The following CD80 variants were observed in gnomAD, a reference collection of about 807,000 sequenced individuals.
CD80 encodes CD80 molecule.
CD80 carries 13 observed loss-of-function variants against 27.1 expected under a neutral mutation model. The observed-to-expected ratio is 0.48, with a 90% CI of 0.31 to 0.76. The LOEUF (loss-of-function observed/expected upper bound fraction) is 0.76. Among genes scored for constraint, CD80 ranks in the 30% least tolerant of loss-of-function variants. CD80 has a pLI of 0.04. For missense variants in CD80, 277 were observed against 347.9 expected, an observed-to-expected ratio of 0.80 and a Z score of 1.62; for synonymous variants, 125 against 125.5, an observed-to-expected ratio of 1.00 and a Z score of 0.03.
In CD80 at chr3:119,525,391, A is replaced by G. The variant is rs2082058743; in HGVS notation, c.*397T>C. On this transcript the variant is annotated 3_prime_UTR_variant, in exon 7 of 7. Coordinates refer to ENST00000264246, the MANE Select transcript of CD80 (RefSeq NM_005191.4). ...CACTTTGCCTGACATATATATGTAT[A>G]TACCAGTTAACAGGCCACAGTCAAA... The G allele has an allele frequency of 6.6e-6, 1 of 152,228 alleles. No homozygotes were observed. Among genetic ancestry groups the G allele is most frequent in the East Asian group, 1.9e-4 (1 of 5,198 alleles). The allele number at this position is 152,228 out of a possible 1,614,324, so 9.4% of individuals were successfully genotyped here.
chr3:119,547,646 C>T (rs1235301573), intron 2 of CD80, among the ~76,000 whole-genome samples: 1 of 152,084 alleles, frequency 6.6e-6, no homozygotes, highest in African/African-American at 2.4e-5. Flanking sequence ...TTTGAGAGAG[C>T]GAAGTCACTA....
chr3:119,526,732 AG>A (rs2082069353), intron 6 of CD80, among the ~76,000 whole-genome samples: 1 of 152,194 alleles, frequency 6.6e-6, no homozygotes, highest in South Asian at 2.1e-4. Context: ...CTGTTGTATA[AG>A]CGTCAGGTAT....
At chr3:119,529,997 C>G in intron 4 of CD80, 60 bp from the exon 5 acceptor site, 1 of 1,225,458 alleles carries the variant, frequency 8.2e-7, no homozygotes, top group South Asian at 1.3e-5. Flanking sequence ...GATACTCATT[C>G]TGTGCCTTTT....
chr3:119,544,117 A>G (rs1577110728), intron 3 of CD80, among the ~76,000 whole-genome samples: 1 of 151,978 alleles, frequency 6.6e-6, no homozygotes, highest in Admixed American at 6.6e-5. Flanking sequence ...TGAACTCATG[A>G]CCTCAAGTGA....
At chr3:119,557,253 A>G (rs1255450467) in intron 2 of CD80, among the ~76,000 whole-genome samples, 1 of 152,232 alleles carries the variant, frequency 6.6e-6, no homozygotes, top group Non-Finnish European at 1.5e-5. Context: ...GCTGAGCTGT[A>G]TCATGAAAAC....
chr3:119,529,304 T>G (rs2082097024), intron 5 of CD80, among the ~76,000 whole-genome samples: 1 of 152,158 alleles, frequency 6.6e-6, no homozygotes, highest in East Asian at 1.9e-4. Flanking sequence ...TCAACTGTAT[T>G]AGTGCATCTT....
At chr3:119,558,910 G>A (rs146803495) in intron 1 of CD80, among the ~76,000 whole-genome samples, 4 of 152,084 alleles carry the variant, frequency 2.6e-5, no homozygotes, top group African/African-American at 4.8e-5. Context: ...ACACAGCCCC[G>A]TGCTGCTCAG....
chr3:119,555,994 C>T (rs6807532), intron 2 of CD80, among the ~76,000 whole-genome samples: 10,912 of 152,250 alleles, frequency 0.072, 437 homozygotes, highest in African/African-American at 0.095. Flanking sequence ...ACCCACTTTC[C>T]CAGATCTTGG....
chr3:119,539,075 A>G (rs2082154358), intron 3 of CD80, among the ~76,000 whole-genome samples: 1 of 152,190 alleles, frequency 6.6e-6, no homozygotes, highest in Non-Finnish European at 1.5e-5. Flanking sequence ...TGAGAAGAAA[A>G]ACTCTGAACC....
In CD80 at chr3:119,525,640, C is replaced by G. The variant is rs1403166158; in HGVS notation, c.*148G>C. 6.6e-6 allele frequency: 1 copy of G among 152,462 alleles called. No homozygotes were observed. The highest frequency in any genetic ancestry group is 1.5e-5 in the Non-Finnish European group (1 of 68,000). 9.4% of individuals were successfully genotyped at this position (152,462 alleles called of 1,614,324 possible). ...ATTCCTCTAGACACTTCCTGCAAAGCAACTGAAGTGAAGAAGCACCTAAGA... is the reference window on the plus strand; with the variant it reads ...ATTCCTCTAGACACTTCCTGCAAAGGAACTGAAGTGAAGAAGCACCTAAGA... On this transcript the variant is annotated 3_prime_UTR_variant, in exon 7 of 7. Coordinates refer to ENST00000264246, the MANE Select transcript of CD80 (RefSeq NM_005191.4).
At chr3:119,543,209 G>A (rs79146731) in intron 3 of CD80, among the ~76,000 whole-genome samples, 8,150 of 152,270 alleles carry the variant, frequency 0.054, 697 homozygotes, top group African/African-American at 0.18. Context: ...CAATTCCCCT[G>A]TCTTGATGAA....
Position 119,557,686 on chromosome 3 carries a change from G to A in CD80, c.43C>T (p.Pro15Ser). ...AAGAGCTGAAAGAAATTGAGGTATG[G>A]ACACTTGGATGGTGATGTTCCCTGC... ...RRQGTSPSKCPYLNFFQLLVL... is the reference protein window; with the variant it reads ...RRQGTSPSKCSYLNFFQLLVL... The change falls in exon 2 of 7, where the codon CCA (proline) becomes TCA (serine). Residue 15 changes from proline to serine, a missense_variant. Transcript: ENST00000264246. 6.2e-7 allele frequency: 1 copy of A among 1,613,816 alleles called. No individual in the cohort carries two copies. The highest frequency in any genetic ancestry group is 8.5e-7 in the Non-Finnish European group (1 of 1,179,864).
chr3:119,545,736 A>AC (rs1204394890), intron 2 of CD80, among the ~76,000 whole-genome samples: 42 of 147,192 alleles, frequency 2.9e-4, no homozygotes, highest in African/African-American at 1.1e-3. Context: ...TATTACACAC[A>AC]CACCCCCCCC....
intron 2 of CD80, among the ~76,000 whole-genome samples, chr3:119,546,111 T>C (rs577529576): frequency 4.6e-5 from 7 of 152,358 alleles, no homozygotes; most frequent in African/African-American, 1.4e-4. Flanking sequence ...TTCCTTTTTC[T>C]TGAGAATTTT....
intron 3 of CD80, among the ~76,000 whole-genome samples, chr3:119,539,356 G>A (rs2082155409): frequency 6.6e-6 from 1 of 151,644 alleles, no homozygotes; most frequent in South Asian, 2.1e-4. Flanking sequence ...CTTTCAAACA[G>A]GAGATGCCTT....
In CD80 at chr3:119,544,643, A is replaced by T. The variant is rs1663116398; in HGVS notation, c.325T>A (p.Ser109Thr). The T allele has an allele frequency of 6.2e-7, 1 of 1,613,984 alleles. No individual in the cohort carries two copies. The highest frequency in any genetic ancestry group is 1.3e-5 in the African/African-American group (1 of 74,928). ...ACACACTCGTATGTGCCCTCGTCAG[A>T]TGGGCGCAGAGCCAGGATCACAATG... Reference protein sequence around the residue: ...LSIVILALRPSDEGTYECVVL... With the variant: ...LSIVILALRPTDEGTYECVVL... The change falls in exon 3 of 7, where the codon TCT (serine) becomes ACT (threonine). Residue 109 changes from serine (S) to threonine (T), a missense_variant. Ser to Thr is a moderately conservative substitution (Grantham distance 58, BLOSUM62 1). Transcript: ENST00000264246.
At chr3:119,526,645 TC>T (rs1429837871) in intron 6 of CD80, among the ~76,000 whole-genome samples, 1 of 152,174 alleles carries the variant, frequency 6.6e-6, no homozygotes, top group African/African-American at 2.4e-5. Context: ...CTGGTTTCTC[TC>T]CCATAACATG....
intron 1 of CD80, 106 bp from the exon 2 acceptor site, chr3:119,558,034 G>A (rs2082273635): frequency 9.8e-6 from 2 of 203,126 alleles, no homozygotes; most frequent in Admixed American, 1.2e-4. Context: ...CTTAACCTAA[G>A]CAACCTCTAA....
chr3:119,557,714 C>T lies in CD80; in HGVS notation c.15G>A (p.Arg5=). 6.2e-7 allele frequency: 1 copy of T among 1,612,734 alleles called. No individual in the cohort carries two copies. The highest frequency in any genetic ancestry group is 8.5e-7 in the Non-Finnish European group (1 of 1,179,304). Residue 5 remains arginine (R), a synonymous_variant, in exon 2 of 7, where the codon CGG becomes CGA. Coordinates refer to ENST00000264246, the MANE Select transcript of CD80 (RefSeq NM_005191.4). MGHT[R]RQGTSPSKCP... is the part of the protein sequence containing the mutation. ...ACTTGGATGGTGATGTTCCCTGCCT[C>T]CGTGTGTGGCCCATGGCTTCAGATG...
Sources: allele counts gnomAD v4.1 joint callset (sites outside exome capture counted in the v4.1 genomes callset), GRCh38; gene constraint gnomAD v4.1.1; transcripts MANE v1.5; gene names NCBI Gene and HGNC (gene_info 2026-07-23, HGNC 2026-07-21).